LIN28A: variants seen among roughly 807,000 people sequenced by gnomAD.
LIN28A encodes lin-28 RNA binding posttranscriptional regulator A.
A neutral mutation model predicts 21.1 loss-of-function variants in LIN28A; 11 were observed. The observed-to-expected ratio is 0.52, with a 90% CI of 0.33 to 0.86. The LOEUF (loss-of-function observed/expected upper bound fraction) is 0.86, where lower values mean the gene tolerates loss of function less well. Among genes scored for constraint, LIN28A ranks in the 40% least tolerant of loss-of-function variants. LIN28A has a pLI of 0.03. For synonymous variants in LIN28A, 111 were observed against 108.7 expected (o/e 1.02, Z -0.13); for missense variants, 219 against 279.8 (o/e 0.78, Z 1.55).
chr1:26,424,768 G>A (rs2075048717), intron 2 of LIN28A, among the ~76,000 whole-genome samples: 1 of 152,142 alleles, frequency 6.6e-6, no homozygotes, highest in Non-Finnish European at 1.5e-5. Context: ...TTGAGACAAA[G>A]TCTCACTCTG....
In LIN28A at chr1:26,411,891, T is replaced by C. The variant is rs35184161; in HGVS notation, c.228+309T>C. ...TGACCCCATGTGGCAGAAACTAAGG[T>C]TGTATTGTGCTTGCCGGTGGGGGGA... On this transcript the variant is annotated intron_variant, in intron 2 of 3. Transcript: ENST00000326279. The surrounding 1 kb of genome is among the most constrained non-coding windows in gnomAD (Gnocchi z 5.4). Among the ~76,000 whole-genome samples the C allele has an allele frequency of 0.027, 4,093 of 151,954 alleles. 78 individuals are homozygous for C. Among genetic ancestry groups the C allele is most frequent in the Non-Finnish European group, 0.043 (2,899 of 67,904 alleles).
chr1:26,422,975 C>G (rs1025168727), intron 2 of LIN28A, among the ~76,000 whole-genome samples: 6 of 152,054 alleles, frequency 3.9e-5, no homozygotes, highest in African/African-American at 1.5e-4. Flanking sequence ...CTCTGTCGCC[C>G]AGGCTGGAAT....
At chr1:26,418,835 TG>T (rs1557762211) in intron 2 of LIN28A, among the ~76,000 whole-genome samples, 1 of 150,470 alleles carries the variant, frequency 6.6e-6, no homozygotes, top group Non-Finnish European at 1.5e-5. Flanking sequence ...CAAGACTGCC[TG>T]GGGAAGGAAG....
At chr1:26,423,548 T>C (rs1267240404) in intron 2 of LIN28A, among the ~76,000 whole-genome samples, 2 of 151,202 alleles carry the variant, frequency 1.3e-5, no homozygotes, top group Non-Finnish European at 2.9e-5. Context: ...TAGCTGGGAT[T>C]ATAGATGCCC....
At chr1:26,419,117 T>G (rs1373037572) in intron 2 of LIN28A, among the ~76,000 whole-genome samples, 3 of 151,518 alleles carry the variant, frequency 2.0e-5, no homozygotes, top group Non-Finnish European at 4.4e-5. Flanking sequence ...TTGTGTGTGG[T>G]TGGGGGTGGA....
intron 2 of LIN28A, among the ~76,000 whole-genome samples, chr1:26,421,820 A>T (rs562901273): frequency 2.5e-4 from 38 of 152,244 alleles, no homozygotes; most frequent in African/African-American, 8.9e-4. Flanking sequence ...AAAAGGCTGC[A>T]AGAACAATAC....
chr1:26,425,181 C>T, intron 2 of LIN28A, 122 bp from the exon 3 acceptor site: 1 of 930,142 alleles, frequency 1.1e-6, no homozygotes, highest in East Asian at 2.6e-5. Context: ...GAGTCAGTTT[C>T]CTTACCAGTA....
intron 2 of LIN28A, among the ~76,000 whole-genome samples, chr1:26,415,718 A>G (rs1318449747): frequency 1.5e-5 from 2 of 133,542 alleles, no homozygotes; most frequent in African/African-American, 2.6e-5. Context: ...CCTGGGCACA[A>G]CATAGCACTA....
intron 2 of LIN28A, among the ~76,000 whole-genome samples, chr1:26,422,340 C>T (rs1375366392): frequency 6.6e-6 from 1 of 151,932 alleles, no homozygotes; most frequent in Non-Finnish European, 1.5e-5. Flanking sequence ...CGTTTCAGTA[C>T]ACTAATCATA....
Position 26,426,898 on chromosome 1 carries a change from GTTT to G in LIN28A, c.*447_*449del, listed in dbSNP as rs901828873. 2 of 176,166 alleles carry G rather than the reference GTTT, an allele frequency of 1.1e-5. No individual in the cohort carries two copies. The highest frequency in any genetic ancestry group is 4.8e-5 in the African/African-American group (2 of 41,448). 10.9% of individuals were successfully genotyped at this position (176,166 alleles called of 1,614,324 possible). A position where few individuals can be genotyped will look rare whatever the true frequency, so the allele number is the denominator to read the frequency against. ...AGGAGATCTCTCAGGAGTAAGCATT[GTTT>G]TTTTTTCACATCTTGTATCCTCATA... is the stretch of plus-strand genomic sequence containing the variant. On this transcript the variant is annotated 3_prime_UTR_variant, in exon 4 of 4. Transcript: ENST00000326279.
In LIN28A at chr1:26,428,153, G is replaced by A. The variant is rs2075070948; in HGVS notation, c.*1695G>A. 1 of 152,680 alleles carries A rather than the reference G, an allele frequency of 6.5e-6. No individual in the cohort carries two copies. The highest frequency in any genetic ancestry group is 2.1e-4 in the South Asian group (1 of 4,824). The allele number at this position is 152,680 out of a possible 1,614,324, so 9.5% of individuals were successfully genotyped here. A position where few individuals can be genotyped will look rare whatever the true frequency, so the allele number is the denominator to read the frequency against. The stretch of plus-strand genomic sequence containing the variant: ...GTATTGGTCTTTCTCCGTGTTCTTT[G>A]GGGGTTTTGTTTACAAACTTCTTTT... On this transcript the variant is annotated 3_prime_UTR_variant, in exon 4 of 4. Coordinates refer to ENST00000326279, the MANE Select transcript of LIN28A (RefSeq NM_024674.6).
At chr1:26,416,812 T>C (rs558540944) in intron 2 of LIN28A, among the ~76,000 whole-genome samples, 118 of 152,054 alleles carry the variant, frequency 7.8e-4, no homozygotes, top group African/African-American at 2.7e-3. Flanking sequence ...AGAGATGGGG[T>C]TTCACCATGT....
intron 2 of LIN28A, among the ~76,000 whole-genome samples, chr1:26,413,248 A>C (rs943645307): frequency 2.6e-5 from 4 of 152,152 alleles, no homozygotes; most frequent in African/African-American, 9.7e-5. Context: ...GGCTGGAATA[A>C]AAGAGTCAGA....
intron 2 of LIN28A, among the ~76,000 whole-genome samples, 171 bp from the exon 3 acceptor site, chr1:26,425,132 A>G (rs1429186430): frequency 6.6e-6 from 1 of 152,182 alleles, no homozygotes; most frequent in Non-Finnish European, 1.5e-5. Context: ...TTGTTAATGT[A>G]CTGGTAGACT....
intron 2 of LIN28A, among the ~76,000 whole-genome samples, chr1:26,419,599 A>G (rs2124295280): frequency 6.6e-6 from 1 of 152,294 alleles, no homozygotes; most frequent in African/African-American, 2.4e-5. Context: ...CCCAGTGTGA[A>G]GAGGTTGATA....
rs2075071500 is a variant in LIN28A, at chr1:26,428,234, A to C, written c.*1776A>C. On this transcript the variant is annotated 3_prime_UTR_variant, in exon 4 of 4. Transcript: ENST00000326279. ...TTGACAGAAGGTTCTGCACCAGGCA[A>C]AAAGATCTGAAACATTAGTTTGGGG... The C allele has an allele frequency of 6.5e-6, 1 of 152,696 alleles. No individual in the cohort carries two copies. The highest frequency in any genetic ancestry group is 6.5e-5 in the Admixed American group (1 of 15,282). The allele number at this position is 152,696 out of a possible 1,614,324, so 9.5% of individuals were successfully genotyped here. A position where few individuals can be genotyped will look rare whatever the true frequency, so the allele number is the denominator to read the frequency against.
rs1285196867 is a variant in LIN28A, at chr1:26,427,898, T to C, written c.*1440T>C. 2.6e-5 allele frequency: 4 copies of C among 152,574 alleles called. No homozygotes were observed. The highest frequency in any genetic ancestry group is 4.8e-5 in the African/African-American group (2 of 41,416). The allele number at this position is 152,574 out of a possible 1,614,324, so 9.5% of individuals were successfully genotyped here. The stretch of plus-strand genomic sequence containing the variant: ...GCTACAGTAGTGATTAATAGTGTCA[T>C]GGTAGCTAAAGGAGAAAAAGGGGGT... On this transcript the variant is annotated 3_prime_UTR_variant, in exon 4 of 4. Transcript: ENST00000326279.
At chr1:26,420,213 C>T (rs985103319) in intron 2 of LIN28A, among the ~76,000 whole-genome samples, 1 of 152,106 alleles carries the variant, frequency 6.6e-6, no homozygotes, top group Non-Finnish European at 1.5e-5. Context: ...AATCCACCTG[C>T]CTCAGTCACC....
rs749445188 is a variant in LIN28A at position 26,425,396 on chromosome 1, C to T, written c.322C>T (p.Arg108Cys). 5.6e-6 allele frequency: 9 copies of T among 1,613,972 alleles called. No individual in the cohort carries two copies. Among genetic ancestry groups the T allele is most frequent in the South Asian group, 3.3e-5 (3 of 91,084 alleles). Residue 108 changes from arginine (R) to cysteine (C), a missense_variant, in exon 3 of 4, where the codon CGT becomes TGT. By Grantham distance (180) the Arg-to-Cys change is radical (BLOSUM62 -3). Around this residue, in one of 3 missense-constraint regions of LIN28A, gnomAD observed 124 missense variants for 193.1 expected, o/e 0.64. Transcript: ENST00000326279. ...KKSAKGLESI[R>C]VTGPGGVFCI... is the part of the protein sequence containing the mutation. ...GTCAGCCAAGGGTCTGGAATCCATCCGTGTCACCGGACCTGGTGGAGTATT... is the reference window on the plus strand; with the variant it reads ...GTCAGCCAAGGGTCTGGAATCCATCTGTGTCACCGGACCTGGTGGAGTATT...
Sources: gnomAD v4.1 joint callset for allele counts (sites outside exome capture counted in the v4.1 genomes callset) on GRCh38, gnomAD v4.1.1 for gene constraint, gnomAD v4.1.1 regional missense constraint, Gnocchi (gnomAD v3.1) non-coding constraint, MANE v1.5 for transcripts, NCBI Gene and HGNC (gene_info 2026-07-23, HGNC 2026-07-21) for gene names.